ETV2: variants seen among roughly 807,000 people sequenced by gnomAD.
The protein encoded by ETV2 is ETS variant transcription factor 2.
A neutral mutation model predicts 35.7 loss-of-function variants in ETV2; 34 were observed. The ratio of observed to expected loss-of-function variants is 0.95; its 90% CI spans 0.72 to 1.27. ETV2 has a LOEUF of 1.27. Among genes scored for constraint, ETV2 ranks in the 50% most tolerant of loss-of-function variants. ETV2 has a pLI of 0.00. For synonymous variants in ETV2, 207 were observed against 203.9 expected (o/e 1.02, Z -0.13); for missense variants, 512 against 470.5 (o/e 1.09, Z -0.82).
rs776269702 is a variant in ETV2, at chr19:35,644,774, G to T, written c.951G>T (p.Thr317=). Reference sequence around the variant, plus strand: ...GCAAGAGCGGGGGGCGAAAGTACACGTACCGCTTCGGGGGCCGCGTGCCCA... The same window carrying T: ...GCAAGAGCGGGGGGCGAAAGTACACTTACCGCTTCGGGGGCCGCGTGCCCA... The part of the protein sequence containing the change: ...IVRKSGGRKY[T]YRFGGRVPSL... Residue 317 remains threonine, a synonymous_variant, in exon 7 of 7, where the codon ACG becomes ACT. Transcript: ENST00000402764. The surrounding 1 kb of genome is among the most constrained non-coding windows in gnomAD (Gnocchi z 4.7). 6.2e-7 allele frequency: 1 copy of T among 1,612,218 alleles called. No homozygotes were observed. The highest frequency in any genetic ancestry group is 1.1e-5 in the South Asian group (1 of 90,818).
Position 35,643,485 on chromosome 19 carries a change from G to A in ETV2, c.447G>A (p.Gly149=), listed in dbSNP as rs1465023252. 6.5e-7 allele frequency: 1 copy of A among 1,548,774 alleles called. No individual in the cohort carries two copies. The highest frequency in any genetic ancestry group is 8.7e-7 in the Non-Finnish European group (1 of 1,146,270). ...CGTGGTCGCGCGCCCAGGCCGCCGG[G>A]AGCAACACCAGCTGGGACTGTTCTG... ...ATSWSRAQAA[G]SNTSWDCSVG... The change falls in exon 5 of 7, where the codon GGG becomes GGA. Residue 149 remains glycine (G), a synonymous_variant. Coordinates refer to ENST00000402764, the MANE Select transcript of ETV2 (RefSeq NM_014209.4). The surrounding 1 kb of genome is among the most constrained non-coding windows in gnomAD (Gnocchi z 5.0).
Position 35,643,959 on chromosome 19 carries a change from G to T in ETV2, c.715+206G>T, listed in dbSNP as rs1235309908. 6.6e-6 allele frequency among the ~76,000 whole-genome samples: 1 copy of T among 152,158 alleles called. No homozygotes were observed. The highest frequency in any genetic ancestry group is 2.4e-5 in the African/African-American group (1 of 41,450). On this transcript the variant is annotated intron_variant, in intron 5 of 6. Coordinates refer to ENST00000402764, the MANE Select transcript of ETV2 (RefSeq NM_014209.4). The surrounding 1 kb of genome is among the most constrained non-coding windows in gnomAD (Gnocchi z 5.0). ...ACTGGTAGTCTTATAGGGACCAAGG[G>T]GATGAGGACCCAGGCTCCTGGATTA...
chr19:35,643,783 G>T lies in ETV2; in HGVS notation c.715+30G>T. The T allele has an allele frequency of 6.2e-7, 1 of 1,612,530 alleles. No individual in the cohort carries two copies. The stretch of plus-strand genomic sequence containing the variant: ...GAGGGCCGCAAAGACTGCGGGGAGG[G>T]CGAAGCTGGAGTCCTGAGCCGGGAC... On this transcript the variant is annotated intron_variant, in intron 5 of 6. Transcript: ENST00000402764. The surrounding 1 kb of genome is among the most constrained non-coding windows in gnomAD (Gnocchi z 5.0).
In ETV2 at chr19:35,641,867, C is replaced by T. The variant is rs1319535258; in HGVS notation, c.-317C>T. The T allele has an allele frequency of 1.3e-5, 2 of 148,536 alleles. No individual in the cohort carries two copies. The highest frequency in any genetic ancestry group is 4.1e-4 in the East Asian group (2 of 4,914). The allele number at this position is 148,536 out of a possible 1,614,324, so 9.2% of individuals were successfully genotyped here. ...CAAGCCCCCCGCCCCGCCCCCATCA[C>T]CCCGTAAACTTCTCCCAGCCTCCGC... On this transcript the variant is annotated 5_prime_UTR_variant, in exon 1 of 7. Coordinates refer to ENST00000402764, the MANE Select transcript of ETV2 (RefSeq NM_014209.4).
At position 35,642,770 on chromosome 19, in the gene ETV2, A is replaced by AG. The variant is rs924379840; in HGVS notation, c.154+78dup. 1 of 756,848 alleles carries AG rather than the reference A, an allele frequency of 1.3e-6. No individual in the cohort carries two copies. The highest frequency in any genetic ancestry group is 1.9e-6 in the Non-Finnish European group (1 of 530,050). The allele number at this position is 756,848 out of a possible 1,614,324, so 46.9% of individuals were successfully genotyped here. ...GCTGGGATCCTAGGGCAAAGGGAGGAGGGGGGCGTGCCTAGGTTCCTGGGA... is the reference window on the plus strand; with the variant it reads ...GCTGGGATCCTAGGGCAAAGGGAGGAGGGGGGGCGTGCCTAGGTTCCTGGGA... On this transcript the variant is annotated intron_variant, in intron 3 of 6. Coordinates refer to ENST00000402764, the MANE Select transcript of ETV2 (RefSeq NM_014209.4). This position sits in a 1 kb window ranked among gnomAD's most constrained non-coding sequence, Gnocchi z 4.4.
At position 35,644,597 on chromosome 19, in the gene ETV2, C is replaced by A. The variant is rs115636138; in HGVS notation, c.829-55C>A. ...CACCGCCCCCAGGCCCGGCCCTCCC[C>A]ACTATCGCCAAGCCCCGCCCCTTCC... On this transcript the variant is annotated intron_variant, in intron 6 of 6. Transcript: ENST00000402764. This position sits in a 1 kb window ranked among gnomAD's most constrained non-coding sequence, Gnocchi z 4.7. 2.6e-3 allele frequency: 3,939 copies of A among 1,515,812 alleles called. 96 individuals carry two copies. In the African/African-American group the frequency reaches 0.049, roughly 19 times the overall value. 93.9% of individuals were successfully genotyped at this position (1,515,812 alleles called of 1,614,324 possible).
At position 35,642,659 on chromosome 19, in the gene ETV2, G is replaced by A; in HGVS notation, c.115G>A (p.Gly39Arg). ...GFCFPDLALQ[G>R]DTPTATAETC... ...CTGTTTCCCTGATCTGGCACTCCAA[G>A]GGGACACGCCGACAGCGACAGCAGA... Residue 39 changes from glycine (G) to arginine (R), a missense_variant, in exon 3 of 7, where the codon GGG (glycine) becomes AGG (arginine). By Grantham distance (125) the Gly-to-Arg change is moderately radical (BLOSUM62 -2). Transcript: ENST00000402764. This position sits in a 1 kb window ranked among gnomAD's most constrained non-coding sequence, Gnocchi z 4.4. 6.2e-7 allele frequency: 1 copy of A among 1,606,050 alleles called. No individual in the cohort carries two copies. Among genetic ancestry groups the A allele is most frequent in the Non-Finnish European group, 8.5e-7 (1 of 1,176,378 alleles).
At position 35,644,424 on chromosome 19, in the gene ETV2, C is replaced by T; in HGVS notation, c.828+77C>T. The T allele has an allele frequency of 9.2e-7, 1 of 1,087,246 alleles. No individual in the cohort carries two copies. Among genetic ancestry groups the T allele is most frequent in the Non-Finnish European group, 1.4e-6 (1 of 739,574 alleles). The allele number at this position is 1,087,246 out of a possible 1,614,324, so 67.3% of individuals were successfully genotyped here. On this transcript the variant is annotated intron_variant, in intron 6 of 6. Coordinates refer to ENST00000402764, the MANE Select transcript of ETV2 (RefSeq NM_014209.4). This position sits in a 1 kb window ranked among gnomAD's most constrained non-coding sequence, Gnocchi z 4.7. ...TTTAGCTCCGCCCAAGGGCTAGGTT[C>T]AACCGCGTAGCCCTCGGCCCCGCCG...
rs577177613 is a variant in ETV2, at chr19:35,643,626, G to A, written c.588G>A (p.Pro196=). ...AGPDCTTSWN[P]GLHAGGTTSL... ...CGGACTGTACCACCTCCTGGAACCC[G>A]GGGCTGCATGCGGGTGGCACCACCT... Residue 196 remains proline (P), a synonymous_variant, in exon 5 of 7, where the codon CCG becomes CCA. Coordinates refer to ENST00000402764, the MANE Select transcript of ETV2 (RefSeq NM_014209.4). This position sits in a 1 kb window ranked among gnomAD's most constrained non-coding sequence, Gnocchi z 5.0. 2.5e-6 allele frequency: 4 copies of A among 1,612,822 alleles called. No homozygotes were observed. The highest frequency in any genetic ancestry group is 1.1e-5 in the South Asian group (1 of 90,986).
At position 35,642,577 on chromosome 19, in the gene ETV2, T is replaced by G. The variant is rs2146360332; in HGVS notation, c.71-38T>G. On this transcript the variant is annotated intron_variant, in intron 2 of 6. Transcript: ENST00000402764. The surrounding 1 kb of genome is among the most constrained non-coding windows in gnomAD (Gnocchi z 4.4). ...AACGTGTGTGGGGAGGGTGTCCAGG[T>G]GGGGCCTCTGCTGACCCTAACCCCT... is the stretch of plus-strand genomic sequence containing the variant. 2 of 1,612,918 alleles carry G rather than the reference T, an allele frequency of 1.2e-6. No individual in the cohort carries two copies. Among genetic ancestry groups the G allele is most frequent in the Non-Finnish European group, 1.7e-6 (2 of 1,179,488 alleles).
At position 35,644,592 on chromosome 19, in the gene ETV2, C is replaced by A; in HGVS notation, c.829-60C>A. The A allele has an allele frequency of 1.7e-5, 25 of 1,495,312 alleles. No individual in the cohort carries two copies. Among genetic ancestry groups the A allele is most frequent in the Non-Finnish European group, 2.0e-5 (22 of 1,110,104 alleles). 92.6% of individuals were successfully genotyped at this position (1,495,312 alleles called of 1,614,324 possible). A position where few individuals can be genotyped will look rare whatever the true frequency, so the allele number is the denominator to read the frequency against. On this transcript the variant is annotated intron_variant, in intron 6 of 6. Transcript: ENST00000402764. The surrounding 1 kb of genome is among the most constrained non-coding windows in gnomAD (Gnocchi z 4.7). The stretch of plus-strand genomic sequence containing the variant: ...CTGCACACCGCCCCCAGGCCCGGCC[C>A]TCCCCACTATCGCCAAGCCCCGCCC...
Position 35,642,942 on chromosome 19 carries a change from C to T in ETV2, c.155-23C>T. 1 of 1,466,422 alleles carries T rather than the reference C, an allele frequency of 6.8e-7. No individual in the cohort carries two copies. The highest frequency in any genetic ancestry group is 9.4e-7 in the Non-Finnish European group (1 of 1,066,294). The allele number at this position is 1,466,422 out of a possible 1,614,324, so 90.8% of individuals were successfully genotyped here. On this transcript the variant is annotated intron_variant, in intron 3 of 6. Coordinates refer to ENST00000402764, the MANE Select transcript of ETV2 (RefSeq NM_014209.4). The surrounding 1 kb of genome is among the most constrained non-coding windows in gnomAD (Gnocchi z 4.4). ...GGTAGTTGAGGGGTCTCTTTCATTG[C>T]TCACAGTCCTCCCTAAACTCAGGTA...
chr19:35,642,668 C>A lies in ETV2; in HGVS notation c.124C>A (p.Pro42Thr). ...TGATCTGGCACTCCAAGGGGACACG[C>A]CGACAGCGACAGCAGAGACATGCTG... The part of the protein sequence containing the change: ...FPDLALQGDT[P>T]TATAETCWKG... Residue 42 changes from proline (P) to threonine (T), a missense_variant, in exon 3 of 7, where the codon CCG becomes ACG. By Grantham distance (38) the Pro-to-Thr change is conservative. Coordinates refer to ENST00000402764, the MANE Select transcript of ETV2 (RefSeq NM_014209.4). The surrounding 1 kb of genome is among the most constrained non-coding windows in gnomAD (Gnocchi z 4.4). The A allele has an allele frequency of 6.2e-7, 1 of 1,603,932 alleles. No homozygotes were observed. Among genetic ancestry groups the A allele is most frequent in the Non-Finnish European group, 8.5e-7 (1 of 1,175,384 alleles).
chr19:35,642,412 A>T lies in ETV2; in HGVS notation c.-27-22A>T. On this transcript the variant is annotated intron_variant, in intron 1 of 6. Transcript: ENST00000402764. This position sits in a 1 kb window ranked among gnomAD's most constrained non-coding sequence, Gnocchi z 4.4. The stretch of plus-strand genomic sequence containing the variant: ...AAGTGTCACCAGCTCACCCATTGCC[A>T]TCTGGACTTTTCCCGACCCAGAACA... The T allele has an allele frequency of 7.4e-7, 1 of 1,344,166 alleles. No homozygotes were observed. Among genetic ancestry groups the T allele is most frequent in the Non-Finnish European group, 1.0e-6 (1 of 969,628 alleles). 83.3% of individuals were successfully genotyped at this position (1,344,166 alleles called of 1,614,324 possible). A position where few individuals can be genotyped will look rare whatever the true frequency, so the allele number is the denominator to read the frequency against.
Position 35,642,287 on chromosome 19 carries a change from C to A in ETV2, c.-28+131C>A. 3.5e-6 allele frequency: 2 copies of A among 567,094 alleles called. No homozygotes were observed. Among genetic ancestry groups the A allele is most frequent in the East Asian group, 6.1e-5 (2 of 32,638 alleles). The allele number at this position is 567,094 out of a possible 1,614,324, so 35.1% of individuals were successfully genotyped here. A position where few individuals can be genotyped will look rare whatever the true frequency, so the allele number is the denominator to read the frequency against. On this transcript the variant is annotated intron_variant, in intron 1 of 6. Coordinates refer to ENST00000402764, the MANE Select transcript of ETV2 (RefSeq NM_014209.4). This position sits in a 1 kb window ranked among gnomAD's most constrained non-coding sequence, Gnocchi z 4.4. Reference sequence around the variant, plus strand: ...GGAAGAGAGCTGGGGTCCCTCACTCCCAGGACCAAGATTTTAGGCTCCTGG... The same window carrying A: ...GGAAGAGAGCTGGGGTCCCTCACTCACAGGACCAAGATTTTAGGCTCCTGG...
chr19:35,642,626 T>C lies in ETV2; in HGVS notation c.82T>C (p.Leu28=). The part of the protein sequence containing the change: ...NKLAGLEGAK[L]GFCFPDLALQ... ...CTTATCGCCTGCAGAAGGAGCCAAATTAGGCTTCTGTTTCCCTGATCTGGC... is the reference window on the plus strand; with the variant it reads ...CTTATCGCCTGCAGAAGGAGCCAAACTAGGCTTCTGTTTCCCTGATCTGGC... Residue 28 remains leucine (L), a synonymous_variant, in exon 3 of 7, where the codon TTA becomes CTA. Coordinates refer to ENST00000402764, the MANE Select transcript of ETV2 (RefSeq NM_014209.4). The surrounding 1 kb of genome is among the most constrained non-coding windows in gnomAD (Gnocchi z 4.4). 1.9e-6 allele frequency: 3 copies of C among 1,608,852 alleles called. No homozygotes were observed. Among genetic ancestry groups the C allele is most frequent in the Non-Finnish European group, 2.5e-6 (3 of 1,177,744 alleles).
In ETV2 at chr19:35,644,731, A is replaced by C. The variant is rs758253596; in HGVS notation, c.908A>C (p.Tyr303Ser). The change falls in exon 7 of 7, where the codon TAT (tyrosine) becomes TCT (serine). Residue 303 changes from tyrosine (Y) to serine (S), a missense_variant. Coordinates refer to ENST00000402764, the MANE Select transcript of ETV2 (RefSeq NM_014209.4). This position sits in a 1 kb window ranked among gnomAD's most constrained non-coding sequence, Gnocchi z 4.7. ...CTGAGCCGGGGCCTTCGCTACTACT[A>C]TCGCCGCGACATCGTGCGCAAGAGC... ...EKLSRGLRYY[Y>S]RRDIVRKSGG... 6.2e-7 allele frequency: 1 copy of C among 1,608,416 alleles called. No homozygotes were observed.
Position 35,642,368 on chromosome 19 carries a change from C to A in ETV2, c.-27-66C>A, listed in dbSNP as rs1967623028. 2.4e-6 allele frequency: 2 copies of A among 823,642 alleles called. No individual in the cohort carries two copies. The highest frequency in any genetic ancestry group is 3.8e-6 in the Non-Finnish European group (2 of 528,006). 51.0% of individuals were successfully genotyped at this position (823,642 alleles called of 1,614,324 possible). A position where few individuals can be genotyped will look rare whatever the true frequency, so the allele number is the denominator to read the frequency against. ...GCTCTGAGGGAAGCTAGGGCTGGGG[C>A]CCAGACTCCAGGGCCTCCAAGTGTC... On this transcript the variant is annotated intron_variant, in intron 1 of 6. Transcript: ENST00000402764. This position sits in a 1 kb window ranked among gnomAD's most constrained non-coding sequence, Gnocchi z 4.4.
Position 35,643,810 on chromosome 19 carries a change from C to G in ETV2, c.715+57C>G. ...GAAGCTGGAGTCCTGAGCCGGGACC[C>G]AGGCACCTAAGGGGGCGGGGCCCGG... is the stretch of plus-strand genomic sequence containing the variant. On this transcript the variant is annotated intron_variant, in intron 5 of 6. Coordinates refer to ENST00000402764, the MANE Select transcript of ETV2 (RefSeq NM_014209.4). This position sits in a 1 kb window ranked among gnomAD's most constrained non-coding sequence, Gnocchi z 5.0. 6.2e-6 allele frequency: 10 copies of G among 1,606,788 alleles called. 1 individual carries two copies. In the South Asian group the frequency reaches 8.8e-5, roughly 14 times the overall value.
Sources: allele counts gnomAD v4.1 joint callset (sites outside exome capture counted in the v4.1 genomes callset), GRCh38; gene constraint gnomAD v4.1.1; non-coding constraint Gnocchi (gnomAD v3.1); transcripts MANE v1.5; gene names NCBI Gene and HGNC (gene_info 2026-07-23, HGNC 2026-07-21).